DPP10: variants seen among roughly 807,000 people sequenced by gnomAD.
DPP10 encodes inactive dipeptidyl peptidase 10.
In DPP10, 33 loss-of-function variants were observed where a neutral mutation model predicts 120.9. That is an observed-to-expected ratio of 0.27 (90% CI 0.21 to 0.37). The LOEUF is 0.37. Ranked by LOEUF, DPP10 falls within the 10% of genes least tolerant of loss-of-function variation. The pLI is 1.00. For synonymous variants in DPP10, 337 were observed against 326.1 expected (o/e 1.03, Z -0.36); for missense variants, 816 against 942.8 (o/e 0.87, Z 1.76).
At chr2:115,364,859 G>C (rs1451391330) in intron 3 of DPP10, among the ~76,000 whole-genome samples, 3 of 151,858 alleles carry the variant, frequency 2.0e-5, no homozygotes, top group African/African-American at 7.3e-5. Context: ...CAATTGTGAA[G>C]GTATACTAAA....
intron 1 of DPP10, among the ~76,000 whole-genome samples, chr2:114,532,231 C>T (rs1274849513): frequency 2.2e-5 from 3 of 138,320 alleles, no homozygotes; most frequent in South Asian, 2.2e-4. Flanking sequence ...CATAACTGCA[C>T]GAGCCAATTC....
intron 1 of DPP10, among the ~76,000 whole-genome samples, chr2:115,058,556 C>A (rs185960267): frequency 7.2e-5 from 11 of 152,244 alleles, no homozygotes; most frequent in African/African-American, 2.6e-4. Flanking sequence ...CCTGCCACCA[C>A]GCCCGGCTAA....
chr2:114,750,996 A>G (rs1303078950), intron 1 of DPP10, among the ~76,000 whole-genome samples: 1 of 152,242 alleles, frequency 6.6e-6, no homozygotes. Context: ...GCGGGTATAC[A>G]GAGCTGCATC....
intron 1 of DPP10, among the ~76,000 whole-genome samples, chr2:114,470,310 A>T (rs2104611609): frequency 6.6e-6 from 1 of 152,300 alleles, no homozygotes; most frequent in African/African-American, 2.4e-5. Flanking sequence ...ATTCACTATG[A>T]CAATTTTCAG....
At chr2:115,572,215 A>ATT (rs34855802) in intron 5 of DPP10, among the ~76,000 whole-genome samples, 4 of 147,694 alleles carry the variant, frequency 2.7e-5, no homozygotes, top group African/African-American at 9.9e-5. Flanking sequence ...ACCCACAAAC[A>ATT]TTTTTTTTTT....
intron 1 of DPP10, among the ~76,000 whole-genome samples, chr2:114,695,867 AC>A (rs1242097559): frequency 6.6e-6 from 1 of 152,066 alleles, no homozygotes; most frequent in Non-Finnish European, 1.5e-5. Context: ...CATTAAAATA[AC>A]CTTTTTAATA....
At chr2:114,957,607 G>T (rs1026316514) in intron 1 of DPP10, among the ~76,000 whole-genome samples, 1 of 152,158 alleles carries the variant, frequency 6.6e-6, no homozygotes, top group African/African-American at 2.4e-5. Flanking sequence ...AGTTCCAAAG[G>T]AATGGAAATC....
intron 1 of DPP10, among the ~76,000 whole-genome samples, chr2:115,291,063 G>A (rs1002211946): frequency 9.9e-5 from 15 of 152,052 alleles, no homozygotes; most frequent in African/African-American, 3.1e-4. Context: ...GAGTGCAATA[G>A]TGTGATCACA....
intron 1 of DPP10, among the ~76,000 whole-genome samples, chr2:115,164,581 A>G (rs2052691189): frequency 6.6e-6 from 1 of 152,220 alleles, no homozygotes; most frequent in Non-Finnish European, 1.5e-5. Context: ...CATGTTTCCA[A>G]GAATGTCTTC....
intron 1 of DPP10, among the ~76,000 whole-genome samples, chr2:114,580,347 A>T (rs2105078539): frequency 6.6e-6 from 1 of 152,344 alleles, no homozygotes; most frequent in African/African-American, 2.4e-5. Context: ...CAGTGTAATT[A>T]TCAGGTGATA....
At chr2:115,658,709 A>G in intron 5 of DPP10, among the ~76,000 whole-genome samples, 1 of 152,266 alleles carries the variant, frequency 6.6e-6, no homozygotes, top group South Asian at 2.1e-4. Context: ...ACTTAAACAA[A>G]TAAAAATGTC....
At chr2:115,331,194 A>C (rs2062707191) in intron 2 of DPP10, among the ~76,000 whole-genome samples, 2 of 152,156 alleles carry the variant, frequency 1.3e-5, no homozygotes, top group East Asian at 3.8e-4. Flanking sequence ...AGCAATTGTG[A>C]ATGGGAGTTC....
intron 3 of DPP10, among the ~76,000 whole-genome samples, chr2:115,475,036 C>T (rs1297438317): frequency 1.3e-5 from 2 of 151,992 alleles, no homozygotes; most frequent in Non-Finnish European, 2.9e-5. Context: ...AAAGAAAAGC[C>T]ATTTGCAGGG....
chr2:114,552,729 A>G (rs1370600829), intron 1 of DPP10, among the ~76,000 whole-genome samples: 1 of 152,090 alleles, frequency 6.6e-6, no homozygotes, highest in Non-Finnish European at 1.5e-5. Context: ...TATTTTTAGT[A>G]GAGATGGGGT....
intron 1 of DPP10, among the ~76,000 whole-genome samples, chr2:114,869,847 T>C (rs1212914265): frequency 1.3e-5 from 2 of 152,218 alleles, no homozygotes; most frequent in African/African-American, 4.8e-5. Flanking sequence ...CTCCAGAACC[T>C]GAACGCATGC....
At position 115,831,516 on chromosome 2, in the gene DPP10, G is replaced by A. The variant is rs187735307; in HGVS notation, c.1951-4641G>A. Reference sequence around the variant, plus strand: ...GCCTCCCAAAGTGCTGGGATTACAGGCTTGAGCCACCATGTCCGGCCCAAA... The same window carrying A: ...GCCTCCCAAAGTGCTGGGATTACAGACTTGAGCCACCATGTCCGGCCCAAA... On this transcript the variant is annotated intron_variant, in intron 21 of 25. Transcript: ENST00000410059. Among the ~76,000 whole-genome samples, 9 of 152,266 alleles carry A rather than the reference G, an allele frequency of 5.9e-5. No homozygotes were observed. The East Asian group carries it at 1.7e-3, about 29-fold the overall frequency.
intron 1 of DPP10, among the ~76,000 whole-genome samples, chr2:114,481,698 AGGT>A (rs1681061376): frequency 1.3e-5 from 2 of 152,080 alleles, no homozygotes; most frequent in Admixed American, 6.6e-5. Context: ...CCAACCCAAA[AGGT>A]TACTGTATTA....
chr2:114,779,758 A>G (rs1177395556), intron 1 of DPP10, among the ~76,000 whole-genome samples: 5 of 152,196 alleles, frequency 3.3e-5, no homozygotes, highest in Admixed American at 6.5e-5. Flanking sequence ...CAGCTATTTT[A>G]TCAGGTGGGA....
chr2:115,271,433 C>T lies in DPP10; in HGVS notation c.61-37806C>T, dbSNP rs186372091. On this transcript the variant is annotated intron_variant, in intron 1 of 25. Transcript: ENST00000410059. ...AAGGGATCATGCTGAAAACTGACTT[C>T]TAGAGTCTTTGCTCAGCAGGTTGTT... Among the ~76,000 whole-genome samples, 139 of 152,266 alleles carry T rather than the reference C, an allele frequency of 9.1e-4. 1 individual carries two copies. The highest frequency in any genetic ancestry group is 3.1e-3 in the African/African-American group (128 of 41,556).
Sources: gnomAD v4.1 joint callset for allele counts (sites outside exome capture counted in the v4.1 genomes callset) on GRCh38, gnomAD v4.1.1 for gene constraint, MANE v1.5 for transcripts, NCBI Gene and HGNC (gene_info 2026-07-23, HGNC 2026-07-21) for gene names.